Variants in SGF29 observed in about 807,000 individuals in gnomAD.
The protein encoded by SGF29 is SAGA complex associated factor 29.
In SGF29, 15 loss-of-function variants were observed where a neutral mutation model predicts 38.1. The observed-to-expected ratio is 0.39, with a 90% confidence interval of 0.26 to 0.61. SGF29 has a LOEUF of 0.61. Among genes scored for constraint, SGF29 ranks in the 20% least tolerant of loss-of-function variants. The pLI is 0.49. For missense variants in SGF29, 184 were observed against 394.6 expected (o/e 0.47, Z 4.52); for synonymous variants, 151 against 160.8 (o/e 0.94, Z 0.46).
chr16:28,574,883 T>G (rs1041620696), intron 1 of SGF29, among the ~76,000 whole-genome samples: 1 of 152,364 alleles, frequency 6.6e-6, no homozygotes, highest in Admixed American at 6.5e-5. Context: ...TTTATTCTTT[T>G]GTGTGGTTTT....
At chr16:28,591,402 C>T (rs1239144142) in intron 9 of SGF29, among the ~76,000 whole-genome samples, 188 bp from the exon 10 acceptor site, 1 of 152,220 alleles carries the variant, frequency 6.6e-6, no homozygotes, top group Non-Finnish European at 1.5e-5. Context: ...CTTGGGTCTC[C>T]AGCCACTGAG....
intron 1 of SGF29, among the ~76,000 whole-genome samples, chr16:28,573,052 G>A (rs973730551): frequency 3.9e-5 from 6 of 152,116 alleles, no homozygotes; most frequent in Non-Finnish European, 7.4e-5. Context: ...TCTCTTCCAC[G>A]GAAAATGTTT....
At chr16:28,589,216 G>C in intron 5 of SGF29, 52 bp downstream of exon 5, 1 of 1,595,844 alleles carries the variant, frequency 6.3e-7, no homozygotes, top group Non-Finnish European at 8.6e-7. Context: ...AAGAGGAGAG[G>C]CCCTGCGGGC....
Position 28,590,331 on chromosome 16 carries a change from GAGACTACGTGGCC to G in SGF29, c.460_472del (p.Tyr154LeufsTer9). 1.2e-6 allele frequency: 2 copies of G among 1,612,792 alleles called. No homozygotes were observed. The highest frequency in any genetic ancestry group is 1.7e-6 in the Non-Finnish European group (2 of 1,179,418). On this transcript the variant is annotated frameshift_variant, in exon 7 of 10. Transcript: ENST00000317058. LOFTEE classifies it high-confidence loss of function. The surrounding 1 kb of genome is among the most constrained non-coding windows in gnomAD (Gnocchi z 8.2). ...CTCTGTGGGGCCATCCCTGCCTCAG[GAGACTACGTGGCC>G]AGACCTGGAGACAAGGTGGCTGCCC... is the stretch of plus-strand genomic sequence containing the variant.
chr16:28,568,574 G>T (rs1375679843), intron 1 of SGF29, among the ~76,000 whole-genome samples: 1 of 141,828 alleles, frequency 7.1e-6, no homozygotes, highest in African/African-American at 2.5e-5. Flanking sequence ...TGCTTCTCTG[G>T]GCTTGATAAT....
At chr16:28,578,101 G>A (rs1257099691) in intron 1 of SGF29, among the ~76,000 whole-genome samples, 3 of 151,712 alleles carry the variant, frequency 2.0e-5, no homozygotes, top group Non-Finnish European at 2.9e-5. Context: ...TGATCCTCCC[G>A]CCTCAGCCTC....
intron 1 of SGF29, among the ~76,000 whole-genome samples, chr16:28,554,531 C>G (rs1202972283): frequency 6.6e-6 from 1 of 152,146 alleles, no homozygotes; most frequent in African/African-American, 2.4e-5. Context: ...AACAGCTCGT[C>G]GTTTGCCCAG....
chr16:28,564,231 C>G (rs969724817), intron 1 of SGF29, among the ~76,000 whole-genome samples: 1 of 151,922 alleles, frequency 6.6e-6, no homozygotes, highest in Non-Finnish European at 1.5e-5. Context: ...GAAGTGTGAG[C>G]ATCTGCGGGT....
chr16:28,580,091 A>G (rs116370015), intron 1 of SGF29, among the ~76,000 whole-genome samples: 298 of 152,294 alleles, frequency 2.0e-3, no homozygotes, highest in African/African-American at 6.8e-3. Context: ...TGTTTGAATC[A>G]TTTGTCAGGA....
At chr16:28,554,255 T>G (rs913587431) in intron 1 of SGF29, 158 bp downstream of exon 1, 123 of 14,878 alleles carry the variant, frequency 8.3e-3, no homozygotes, top group South Asian at 0.015. Flanking sequence ...CTCGTGGGGG[T>G]GGGGGCGGGA....
Position 28,585,409 on chromosome 16 carries a change from A to T in SGF29, c.152-239A>T, listed in dbSNP as rs9941096. ...ACAAATATTTTCTGTGAGTGTCATGATGGAGAAAAGGTAAGACAGTACTCT... is the reference window on the plus strand; with the variant it reads ...ACAAATATTTTCTGTGAGTGTCATGTTGGAGAAAAGGTAAGACAGTACTCT... On this transcript the variant is annotated intron_variant, in intron 3 of 9. Coordinates refer to ENST00000317058, the MANE Select transcript of SGF29 (RefSeq NM_138414.3). 5.7e-3 allele frequency: 3,304 copies of T among 577,830 alleles called. 87 individuals are homozygous for T. The highest frequency in any genetic ancestry group is 0.055 in the African/African-American group (2,955 of 53,534). 35.8% of individuals were successfully genotyped at this position (577,830 alleles called of 1,614,324 possible). A position where few individuals can be genotyped will look rare whatever the true frequency, so the allele number is the denominator to read the frequency against.
chr16:28,579,271 T>A (rs1354024340), intron 1 of SGF29, among the ~76,000 whole-genome samples: 3 of 149,480 alleles, frequency 2.0e-5, no homozygotes, highest in Non-Finnish European at 4.5e-5. Context: ...TTTTTTTTTT[T>A]TTTTTGAGAC....
chr16:28,581,205 AGTGGGGGTGGCATTT>A, intron 2 of SGF29, 61 bp downstream of exon 2: 2 of 1,485,690 alleles, frequency 1.3e-6, no homozygotes, highest in Non-Finnish European at 1.9e-6. Context: ...TGAGCCGTGA[AGTGGGGGTGGCATTT>A]GTGTTCAGAG....
At chr16:28,559,985 A>G (rs1434001456) in intron 1 of SGF29, among the ~76,000 whole-genome samples, 2 of 152,160 alleles carry the variant, frequency 1.3e-5, no homozygotes, top group Non-Finnish European at 2.9e-5. Context: ...CTGTAAACCC[A>G]GCACAGCACT....
At chr16:28,571,949 C>G (rs1343977039) in intron 1 of SGF29, among the ~76,000 whole-genome samples, 3 of 152,220 alleles carry the variant, frequency 2.0e-5, no homozygotes, top group Non-Finnish European at 4.4e-5. Context: ...CCAATAGCAG[C>G]TGGCTAGAAG....
chr16:28,591,533 G>T (rs1376532172), intron 9 of SGF29, 57 bp from the exon 10 acceptor site: 201 of 1,210,846 alleles, frequency 1.7e-4, no homozygotes, highest in Non-Finnish European at 2.2e-4. Flanking sequence ...GGGGAAGGGG[G>T]TGCCTGTCCT....
chr16:28,554,935 C>G (rs1688841905), intron 1 of SGF29, among the ~76,000 whole-genome samples: 1 of 152,252 alleles, frequency 6.6e-6, no homozygotes, highest in South Asian at 2.1e-4. Flanking sequence ...TGAACGTTCT[C>G]TTCCTTTGCC....
In SGF29 at chr16:28,564,754, T is replaced by C. The variant is rs1351160409; in HGVS notation, c.-16+10657T>C. Among the ~76,000 whole-genome samples the C allele has an allele frequency of 1.8e-3, 133 of 73,824 alleles. 1 individual carries two copies. Among genetic ancestry groups the C allele is most frequent in the African/African-American group, 5.5e-3 (115 of 21,026 alleles). 48.4% of individuals were successfully genotyped at this position (73,824 alleles called of 152,430 possible). On this transcript the variant is annotated intron_variant, in intron 1 of 9. Coordinates refer to ENST00000317058, the MANE Select transcript of SGF29 (RefSeq NM_138414.3). ...ATATATATGTATATATGTATATATA[T>C]GTATATATGTATATATATGTATATA...
chr16:28,591,241 C>T (rs1477655990), intron 9 of SGF29, among the ~76,000 whole-genome samples: 2 of 152,154 alleles, frequency 1.3e-5, no homozygotes, highest in East Asian at 1.9e-4. Flanking sequence ...ACATGGGACA[C>T]AAGCCACCTG....
Sources: allele counts gnomAD v4.1 joint callset (sites outside exome capture counted in the v4.1 genomes callset), GRCh38; gene constraint gnomAD v4.1.1; non-coding constraint Gnocchi (gnomAD v3.1); transcripts MANE v1.5; gene names NCBI Gene and HGNC (gene_info 2026-07-23, HGNC 2026-07-21).